XIRP2: variants seen among roughly 807,000 people sequenced by gnomAD.
XIRP2 encodes xin actin binding repeat containing 2, also known as xin actin-binding repeat-containing protein 2.
XIRP2 carries 236 observed loss-of-function variants against 277.0 expected under a neutral mutation model. That is an observed-to-expected ratio of 0.85 (90% confidence interval 0.77 to 0.95). The LOEUF is 0.95. Ranked by LOEUF, XIRP2 falls within the 40% of genes least tolerant of loss-of-function variation. XIRP2 has a pLI of 0.00. For missense variants in XIRP2, 4,640 were observed against 4,157.5 expected (o/e 1.12, Z -3.19); for synonymous variants, 1,490 against 1,416.5 (o/e 1.05, Z -1.17).
chr2:167,020,146 G>A (rs1197516285), intron 2 of XIRP2, among the ~76,000 whole-genome samples: 1 of 151,708 alleles, frequency 6.6e-6, no homozygotes, highest in Non-Finnish European at 1.5e-5. Context: ...GTTGTTTATG[G>A]CCAAAATTCA....
chr2:167,091,643 T>C (rs1436101251), intron 2 of XIRP2, among the ~76,000 whole-genome samples: 2 of 152,168 alleles, frequency 1.3e-5, no homozygotes, highest in Non-Finnish European at 2.9e-5. Context: ...AAGTTTTTTA[T>C]GGCTTCTATG....
chr2:167,039,480 C>A (rs1383140028), intron 2 of XIRP2, among the ~76,000 whole-genome samples: 1 of 152,130 alleles, frequency 6.6e-6, no homozygotes, highest in Non-Finnish European at 1.5e-5. Context: ...GAGTAAGTTA[C>A]AGAGAAAGGA....
intron 2 of XIRP2, among the ~76,000 whole-genome samples, chr2:167,023,805 A>G (rs910942702): frequency 1.3e-5 from 2 of 152,014 alleles, no homozygotes; most frequent in Non-Finnish European, 2.9e-5. Context: ...GTTCTGTTCC[A>G]TTGATCTATA....
At position 167,249,531 on chromosome 2, in the gene XIRP2, C is replaced by T. The variant is rs931406242; in HGVS notation, c.8139C>T (p.Ile2713=). 3.1e-6 allele frequency: 5 copies of T among 1,613,712 alleles called. No individual in the cohort carries two copies. Among genetic ancestry groups the T allele is most frequent in the East Asian group, 4.5e-5 (2 of 44,832 alleles). The stretch of plus-strand genomic sequence containing the variant: ...CCCCAAATTTCAAAGTTAAAACCAT[C>T]AAACTTCCAACTCTAGATCATACAT... ...PISPNFKVKT[I]KLPTLDHTLN... Residue 2713 remains isoleucine, a synonymous_variant, in exon 9 of 11, where the codon ATC becomes ATT. Transcript: ENST00000409195.
At chr2:167,254,983 A>G (rs1420525474) in intron 10 of XIRP2, among the ~76,000 whole-genome samples, 3 of 151,552 alleles carry the variant, frequency 2.0e-5, no homozygotes, top group Non-Finnish European at 4.4e-5. Flanking sequence ...ACAATGTCGA[A>G]CACCCTCATG....
intron 2 of XIRP2, among the ~76,000 whole-genome samples, chr2:167,024,709 A>G (rs1191200037): frequency 6.6e-6 from 1 of 152,152 alleles, no homozygotes; most frequent in Non-Finnish European, 1.5e-5. Flanking sequence ...CTATTGAGAT[A>G]ATCATGTGGT....
intron 5 of XIRP2, among the ~76,000 whole-genome samples, chr2:167,239,578 T>A (rs1694994416): frequency 6.6e-6 from 1 of 152,170 alleles, no homozygotes; most frequent in African/African-American, 2.4e-5. Flanking sequence ...GGGAATGGAT[T>A]GTCCCCTCCA....
At chr2:166,913,206 G>C (rs1054329636) in intron 2 of XIRP2, among the ~76,000 whole-genome samples, 1 of 152,182 alleles carries the variant, frequency 6.6e-6, no homozygotes, top group African/African-American at 2.4e-5. Flanking sequence ...CCCAGAGGTG[G>C]AGTCTACAGA....
intron 2 of XIRP2, among the ~76,000 whole-genome samples, chr2:166,978,245 A>G (rs1020409266): frequency 6.6e-6 from 1 of 152,168 alleles, no homozygotes; most frequent in Non-Finnish European, 1.5e-5. Flanking sequence ...ATTTTTTAAT[A>G]TTCATGTCAC....
At chr2:166,967,171 G>C (rs1403283453) in intron 2 of XIRP2, among the ~76,000 whole-genome samples, 1 of 151,794 alleles carries the variant, frequency 6.6e-6, no homozygotes, top group African/African-American at 2.4e-5. Flanking sequence ...TACCACCATA[G>C]TAAAGAAAAC....
At chr2:167,009,434 T>C (rs1421366711) in intron 2 of XIRP2, among the ~76,000 whole-genome samples, 1 of 152,022 alleles carries the variant, frequency 6.6e-6, no homozygotes, top group Non-Finnish European at 1.5e-5. Context: ...ATGGTGTATA[T>C]GTGCCACATT....
Position 167,078,833 on chromosome 2 carries a change from G to A in XIRP2, c.409-57076G>A, listed in dbSNP as rs557009231. 1.2e-3 allele frequency among the ~76,000 whole-genome samples: 61 copies of A among 50,488 alleles called. 1 individual carries two copies. In the South Asian group the frequency reaches 0.035, roughly 29 times the overall value. The allele number at this position is 50,488 out of a possible 152,430, so 33.1% of individuals were successfully genotyped here. A position where few individuals can be genotyped will look rare whatever the true frequency, so the allele number is the denominator to read the frequency against. ...AGCCTGAGCGACACAGTGAGACTCCGTCTCAAAAAAAAAAAAAAAAAGGAA... is the reference window on the plus strand; with the variant it reads ...AGCCTGAGCGACACAGTGAGACTCCATCTCAAAAAAAAAAAAAAAAAGGAA... On this transcript the variant is annotated intron_variant, in intron 2 of 10. Transcript: ENST00000409195.
chr2:167,154,853 A>G (rs940479375), intron 3 of XIRP2, among the ~76,000 whole-genome samples: 8 of 152,152 alleles, frequency 5.3e-5, no homozygotes, highest in African/African-American at 1.9e-4. Flanking sequence ...AGCTAGCAAG[A>G]CTAATAAAGA....
chr2:167,221,686 G>A (rs1694437968), intron 5 of XIRP2, among the ~76,000 whole-genome samples: 1 of 152,024 alleles, frequency 6.6e-6, no homozygotes, highest in African/African-American at 2.4e-5. Flanking sequence ...ATGTTTGCTG[G>A]TAAACACAGG....
At chr2:167,046,073 A>T (rs1042563455) in intron 2 of XIRP2, among the ~76,000 whole-genome samples, 4 of 151,618 alleles carry the variant, frequency 2.6e-5, no homozygotes, top group Non-Finnish European at 2.9e-5. Context: ...GAGATATTTC[A>T]CCTCCCTTGT....
chr2:167,195,826 AG>A (rs1693487902), intron 3 of XIRP2, among the ~76,000 whole-genome samples: 2 of 152,210 alleles, frequency 1.3e-5, no homozygotes, highest in African/African-American at 4.8e-5. Context: ...GAAACAATTC[AG>A]ATGTGTTGAA....
Position 167,156,112 on chromosome 2 carries a change from G to A in XIRP2, c.562+20050G>A, listed in dbSNP as rs1692189469. ...GAAATAAAAGAGGATACAAACAAAG[G>A]GAAGAACATTCCATGCTCATGGGTA... is the stretch of plus-strand genomic sequence containing the variant. On this transcript the variant is annotated intron_variant, in intron 3 of 10. Coordinates refer to ENST00000409195, the MANE Select transcript of XIRP2 (RefSeq NM_152381.6). 2.0e-5 allele frequency among the ~76,000 whole-genome samples: 3 copies of A among 151,786 alleles called. No individual in the cohort carries two copies. The East Asian group carries it at 5.8e-4, about 29-fold the overall frequency.
Position 167,249,419 on chromosome 2 carries a change from A to T in XIRP2, c.8027A>T (p.Lys2676Ile), listed in dbSNP as rs369966652. Residue 2676 changes from lysine to isoleucine, a missense_variant, in exon 9 of 11, where the codon AAA becomes ATA. Lys to Ile is a moderately radical substitution (Grantham distance 102, BLOSUM62 -3). Coordinates refer to ENST00000409195, the MANE Select transcript of XIRP2 (RefSeq NM_152381.6). ...CAATCCAAATCAGCTTGCGAAATTA[A>T]ACAAAGTCACCAAGAATGTAGTACC... ...IMQSKSACEI[K>I]QSHQECSTQQ... 2.2e-5 allele frequency: 35 copies of T among 1,613,818 alleles called. 1 individual carries two copies. The African/African-American group carries it at 4.3e-4, about 20-fold the overall frequency.
chr2:166,976,708 T>G (rs745413604), intron 2 of XIRP2, among the ~76,000 whole-genome samples: 12 of 152,028 alleles, frequency 7.9e-5, no homozygotes, highest in South Asian at 2.1e-4. Flanking sequence ...TGTCTTACAG[T>G]GTTATTCTTA....
Sources: gnomAD v4.1 joint callset for allele counts (sites outside exome capture counted in the v4.1 genomes callset) on GRCh38, gnomAD v4.1.1 for gene constraint, MANE v1.5 for transcripts, NCBI Gene and HGNC (gene_info 2026-07-23, HGNC 2026-07-21) for gene names.